Variants in CYREN observed in about 807,000 individuals in gnomAD.
The protein encoded by CYREN is cell cycle regulator of non-homologous end joining.
A neutral mutation model predicts 9.7 loss-of-function variants in CYREN; 7 were observed. That is an observed-to-expected ratio of 0.72 (90% confidence interval 0.41 to 1.36). CYREN has a LOEUF of 1.36. Among genes scored for constraint, CYREN ranks in the 40% most tolerant of loss-of-function variants. The pLI is 0.01. For missense variants in CYREN, 215 were observed against 198.1 expected (o/e 1.09, Z -0.51); for synonymous variants, 76 against 77.9 (o/e 0.98, Z 0.13).
At chr7:135,096,742 T>TGAAATAAA (rs1822901521) in intron 2 of CYREN, among the ~76,000 whole-genome samples, 1 of 101,068 alleles carries the variant, frequency 9.9e-6, no homozygotes, top group Non-Finnish European at 2.0e-5. Context: ...AGAGAAAGAA[T>TGAAATAAA]GAAAGAAAGA....
intron 2 of CYREN, chr7:135,135,044 A>C: frequency 6.4e-7 from 1 of 1,551,280 alleles, no homozygotes; most frequent in Non-Finnish European, 8.7e-7. Flanking sequence ...GCCATAAAGA[A>C]TGAAGACATA....
At chr7:135,147,531 G>A (rs976325547) in intron 2 of CYREN, among the ~76,000 whole-genome samples, 6 of 152,102 alleles carry the variant, frequency 3.9e-5, no homozygotes, top group Non-Finnish European at 7.4e-5. Flanking sequence ...AGCTTTGTTC[G>A]GCTCTTATTT....
upstream of CYREN, among the ~76,000 whole-genome samples, chr7:135,172,327 G>A (rs1830695606): frequency 6.6e-6 from 1 of 152,176 alleles, no homozygotes; most frequent in East Asian, 1.9e-4. Flanking sequence ...CTTTGGTTTT[G>A]GTTTTGACTT....
chr7:135,096,584 C>CATAGATAGATGATAG, intron 2 of CYREN, among the ~76,000 whole-genome samples: 1 of 88,860 alleles, frequency 1.1e-5, no homozygotes, highest in African/African-American at 3.9e-5. Flanking sequence ...TAGATAGATA[C>CATAGATAGATGATAG]ATAGATAGAT....
chr7:135,166,996 T>A (rs925958307), intron 3 of CYREN, 125 bp from the exon 4 acceptor site: 3 of 1,507,804 alleles, frequency 2.0e-6, no homozygotes, highest in Non-Finnish European at 2.7e-6. Flanking sequence ...CCAGGCAATG[T>A]ACCCATATCC....
rs529130935 is a variant in CYREN, at chr7:135,166,017, G to C, written c.*594C>G. The C allele has an allele frequency of 2.6e-5, 4 of 153,374 alleles. No homozygotes were observed. The South Asian group carries it at 6.2e-4, about 24-fold the overall frequency. The allele number at this position is 153,374 out of a possible 1,614,324, so 9.5% of individuals were successfully genotyped here. A position where few individuals can be genotyped will look rare whatever the true frequency, so the allele number is the denominator to read the frequency against. On this transcript the variant is annotated 3_prime_UTR_variant, in exon 4 of 4. Coordinates refer to ENST00000393114, the MANE Select transcript of CYREN (RefSeq NM_024033.4). ...AGCAAGGTAGCAGCTTGCGGGAGGA[G>C]GCCTGTCTGGCTTACCAGTCTATAC...
At position 135,147,933 on chromosome 7, in the gene CYREN, G is replaced by A. The variant is rs60713805; in HGVS notation, n.356+20816C>T. 3,666 of 455,756 alleles carry A rather than the reference G, an allele frequency of 8.0e-3. 120 individuals carry two copies. The highest frequency in any genetic ancestry group is 0.065 in the African/African-American group (3,255 of 50,042). 28.2% of individuals were successfully genotyped at this position (455,756 alleles called of 1,614,324 possible). On this transcript the variant is annotated intron_variant and non_coding_transcript_variant, in intron 2 of 2. Transcript: ENST00000459937. ...AGTTGGTTTGCCGGCTACAGTGTAG[G>A]TAAAGAGTATGTCATAATGGACAAT...
At chr7:135,128,542 A>G in intron 2 of CYREN, 1 of 766,998 alleles carries the variant, frequency 1.3e-6, no homozygotes, top group Non-Finnish European at 2.4e-6. Context: ...AAGGTGGAGA[A>G]ACCAGGATCT....
At chr7:135,113,714 A>G (rs188137499) in intron 2 of CYREN, among the ~76,000 whole-genome samples, 24 of 152,340 alleles carry the variant, frequency 1.6e-4, no homozygotes, top group African/African-American at 5.3e-4. Context: ...TTAAGTGTAC[A>G]ATTCAGTAGT....
At chr7:135,107,666 T>C (rs1986359) in intron 2 of CYREN, among the ~76,000 whole-genome samples, 36,196 of 152,172 alleles carry the variant, frequency 0.24, 5,352 homozygotes, top group South Asian at 0.42. Context: ...ATGTACCATA[T>C]GGCAATGAGA....
intron 2 of CYREN, among the ~76,000 whole-genome samples, chr7:135,142,942 T>C (rs1829479972): frequency 6.6e-6 from 1 of 152,218 alleles, no homozygotes; most frequent in Admixed American, 6.5e-5. Context: ...AGTTATTTTG[T>C]AGATATCAAC....
intron 2 of CYREN, among the ~76,000 whole-genome samples, chr7:135,143,174 C>G (rs1369868364): frequency 6.6e-6 from 1 of 152,090 alleles, no homozygotes; most frequent in East Asian, 1.9e-4. Context: ...TAGCAAGACC[C>G]TGTTTCTACA....
In CYREN at chr7:135,166,559, T is replaced by A. The variant is rs949281895; in HGVS notation, c.*52A>T. ...GCGGCCCAGCAGCACCAGTGGAAGC[T>A]CAGCTGTCCTCCAGCTGCTCTCGGC... is the stretch of plus-strand genomic sequence containing the variant. On this transcript the variant is annotated 3_prime_UTR_variant, in exon 4 of 4. Coordinates refer to ENST00000393114, the MANE Select transcript of CYREN (RefSeq NM_024033.4). The A allele has an allele frequency of 2.6e-6, 4 of 1,523,450 alleles. No individual in the cohort carries two copies. In the African/African-American group the frequency reaches 5.5e-5, roughly 21 times the overall value. 94.4% of individuals were successfully genotyped at this position (1,523,450 alleles called of 1,614,324 possible).
Position 135,167,917 on chromosome 7 carries a change from G to A in CYREN, c.138-110C>T, listed in dbSNP as rs905743827. 6.4e-6 allele frequency: 10 copies of A among 1,552,778 alleles called. No individual in the cohort carries two copies. In the South Asian group the frequency reaches 8.2e-5, roughly 13 times the overall value. On this transcript the variant is annotated intron_variant, in intron 2 of 3. Transcript: ENST00000393114. The stretch of plus-strand genomic sequence containing the variant: ...CCCCCTGCCTTCCTACCACGCAGGA[G>A]GTACCAGCACCTCTGAGCTGAGGAG...
chr7:135,137,888 A>T (rs1051888969), intron 2 of CYREN, among the ~76,000 whole-genome samples: 5 of 152,022 alleles, frequency 3.3e-5, no homozygotes, highest in African/African-American at 1.2e-4. Context: ...CTCGCATGGT[A>T]GGGAGAGATC....
intron 2 of CYREN, chr7:135,135,490 A>C (rs1394442577): frequency 6.2e-6 from 2 of 325,064 alleles, no homozygotes; most frequent in Non-Finnish European, 1.1e-5. Context: ...GCAGATATTT[A>C]TATTTAGTTT....
chr7:135,167,117 C>T, intron 3 of CYREN: 2 of 985,286 alleles, frequency 2.0e-6, no homozygotes, highest in Non-Finnish European at 2.4e-6. Flanking sequence ...TGAGGATTAG[C>T]TGAGGGGAAA....
intron 2 of CYREN, among the ~76,000 whole-genome samples, chr7:135,131,947 A>C (rs1159812870): frequency 6.6e-6 from 1 of 152,172 alleles, no homozygotes; most frequent in East Asian, 1.9e-4. Context: ...TTATTTCCTC[A>C]ATAAAATATG....
At chr7:135,164,640 T>C (rs1830038853), downstream of CYREN, 1 of 1,613,206 alleles carries the variant, frequency 6.2e-7, no homozygotes, top group East Asian at 2.2e-5. Context: ...GTGTCACCAG[T>C]TCCCTGAGCT....
Sources: gnomAD v4.1 joint callset for allele counts (sites outside exome capture counted in the v4.1 genomes callset) on GRCh38, gnomAD v4.1.1 for gene constraint, MANE v1.5 for transcripts, NCBI Gene and HGNC (gene_info 2026-07-23, HGNC 2026-07-21) for gene names.